The following COL14A1 variants were observed in gnomAD, a reference collection of about 807,000 sequenced individuals.
COL14A1 encodes collagen alpha-1(XIV) chain.
Under a neutral mutation model 230.3 loss-of-function variants are expected in COL14A1, and 136 were observed. That is an observed-to-expected ratio of 0.59 (90% CI 0.51 to 0.68). The LOEUF (loss-of-function observed/expected upper bound fraction) is 0.68. COL14A1 is among the 30% of genes least tolerant of loss of function. The pLI is 0.00. For missense variants in COL14A1, 1,976 were observed against 2,215.8 expected (o/e 0.89, Z 2.17); for synonymous variants, 792 against 784.1 (o/e 1.01, Z -0.17).
chr8:120,161,868 TTGGCCAGGC>T (rs1427363408), intron 3 of COL14A1, among the ~76,000 whole-genome samples: 9 of 152,182 alleles, frequency 5.9e-5, no homozygotes, highest in African/African-American at 2.2e-4. Context: ...TTTCACCACA[TTGGCCAGGC>T]TGGTTTCAAA....
chr8:120,161,686 G>A (rs559581078), intron 3 of COL14A1, among the ~76,000 whole-genome samples: 24 of 151,572 alleles, frequency 1.6e-4, no homozygotes, highest in African/African-American at 3.9e-4. Flanking sequence ...TTTTTGAGGC[G>A]GAGTCTCGGT....
Position 120,345,405 on chromosome 8 carries a change from A to G in COL14A1, c.4919A>G (p.Asn1640Ser), listed in dbSNP as rs921851548. The G allele has an allele frequency of 7.5e-6, 12 of 1,596,144 alleles. No individual in the cohort carries two copies. Among genetic ancestry groups the G allele is most frequent in the Non-Finnish European group, 9.4e-6 (11 of 1,172,636 alleles). Residue 1640 changes from asparagine (N) to serine (S), a missense_variant, in exon 45 of 48, where the codon AAC becomes AGC. Asn to Ser is a conservative substitution (Grantham distance 46, BLOSUM62 1). This residue lies in a region of COL14A1 where 1,791 missense variants were observed against 2,019.5 expected (regional missense o/e 0.89). Coordinates refer to ENST00000297848, the MANE Select transcript of COL14A1 (RefSeq NM_021110.4). ...SHMARYTAIL[N>S]QIPSHSSSIR... Reference sequence around the variant, plus strand: ...ATGGCCAGGTACACTGCCATCCTCAACCAGATTCCCAGCCACTCCTCATCC... The same window carrying G: ...ATGGCCAGGTACACTGCCATCCTCAGCCAGATTCCCAGCCACTCCTCATCC...
intron 1 of COL14A1, among the ~76,000 whole-genome samples, chr8:120,140,221 C>T (rs1009782484): frequency 3.3e-5 from 5 of 152,114 alleles, no homozygotes; most frequent in African/African-American, 1.2e-4. Flanking sequence ...CCTGTGCTAC[C>T]TTTCTGTTCT....
chr8:120,154,298 A>C (rs1026991812), intron 2 of COL14A1, among the ~76,000 whole-genome samples: 1 of 152,196 alleles, frequency 6.6e-6, no homozygotes, highest in Non-Finnish European at 1.5e-5. Context: ...AATTTCGTAA[A>C]TGCTTGATAA....
intron 23 of COL14A1, among the ~76,000 whole-genome samples, chr8:120,256,912 A>C (rs972284462): frequency 2.0e-5 from 3 of 152,194 alleles, no homozygotes. Flanking sequence ...GTTCCTGTGG[A>C]TATTCGTTGC....
chr8:120,224,043 T>TTTTTTTTTTTTC, intron 14 of COL14A1, among the ~76,000 whole-genome samples: 1 of 145,766 alleles, frequency 6.9e-6, no homozygotes, highest in Non-Finnish European at 1.5e-5. Flanking sequence ...TTTTTTTTTT[T>TTTTTTTTTTTTC]TGAGACAGAG....
At chr8:120,227,023 T>A (rs1198976372) in intron 16 of COL14A1, among the ~76,000 whole-genome samples, 197 bp from the exon 17 acceptor site, 1 of 152,192 alleles carries the variant, frequency 6.6e-6, no homozygotes, top group Non-Finnish European at 1.5e-5. Flanking sequence ...AACTTTAAAA[T>A]GTCACTTTTG....
intron 21 of COL14A1, among the ~76,000 whole-genome samples, chr8:120,249,068 A>G (rs1308763612): frequency 1.4e-5 from 2 of 148,018 alleles, no homozygotes; most frequent in Admixed American, 1.3e-4. Context: ...CTGGGACTAC[A>G]GGCGCCCGCC....
chr8:120,154,434 A>G (rs1334502182), intron 2 of COL14A1, among the ~76,000 whole-genome samples: 2 of 152,168 alleles, frequency 1.3e-5, no homozygotes, highest in Non-Finnish European at 2.9e-5. Flanking sequence ...ACAACACAGC[A>G]CAGCAGAATA....
At chr8:120,248,917 CTTTTTT>C (rs71571673) in intron 21 of COL14A1, among the ~76,000 whole-genome samples, 186 of 84,218 alleles carry the variant, frequency 2.2e-3, no homozygotes, top group African/African-American at 7.4e-3. Context: ...TTCAATCTTT[CTTTTTT>C]TTTTTTTTTT....
intron 40 of COL14A1, among the ~76,000 whole-genome samples, chr8:120,321,691 G>A (rs1821449958): frequency 6.6e-6 from 1 of 152,048 alleles, no homozygotes; most frequent in Non-Finnish European, 1.5e-5. Flanking sequence ...TGGGACACAG[G>A]CATGGTACAA....
At chr8:120,349,331 C>T (rs1822658770) in intron 45 of COL14A1, among the ~76,000 whole-genome samples, 1 of 150,360 alleles carries the variant, frequency 6.7e-6, no homozygotes, top group South Asian at 2.1e-4. Context: ...CAGAGTGCCT[C>T]TCCTCCTCCA....
chr8:120,194,584 A>C (rs1586755348), intron 5 of COL14A1, among the ~76,000 whole-genome samples: 1 of 152,288 alleles, frequency 6.6e-6, no homozygotes, highest in East Asian at 1.9e-4. Context: ...TTTCCAAGTC[A>C]TTTCTGACTT....
intron 4 of COL14A1, among the ~76,000 whole-genome samples, chr8:120,163,693 G>A (rs1815768614): frequency 6.6e-6 from 1 of 152,172 alleles, no homozygotes; most frequent in Admixed American, 6.5e-5. Context: ...AACCCAGAAG[G>A]TGGAGGTTGC....
intron 1 of COL14A1, among the ~76,000 whole-genome samples, chr8:120,133,732 T>G (rs914169774): frequency 6.6e-6 from 1 of 151,884 alleles, no homozygotes; most frequent in African/African-American, 2.4e-5. Context: ...CTATTAAAAA[T>G]AAGAACAAGA....
At chr8:120,292,491 A>G (rs1320004774) in intron 34 of COL14A1, among the ~76,000 whole-genome samples, 1 of 152,156 alleles carries the variant, frequency 6.6e-6, no homozygotes, top group Non-Finnish European at 1.5e-5. Context: ...TGTTGAAATG[A>G]ATGTATTAAG....
intron 1 of COL14A1, among the ~76,000 whole-genome samples, chr8:120,131,008 T>C (rs1440167673): frequency 1.3e-5 from 2 of 152,218 alleles, no homozygotes; most frequent in Non-Finnish European, 2.9e-5. Flanking sequence ...CTTAGGATAA[T>C]GGCCTCCAGC....
intron 26 of COL14A1, among the ~76,000 whole-genome samples, chr8:120,276,501 A>C (rs1819851249): frequency 1.3e-5 from 2 of 151,388 alleles, no homozygotes; most frequent in Admixed American, 6.6e-5. Context: ...GTACTCCAAA[A>C]GTATTGTAAA....
At chr8:120,363,823 A>T (rs1409770988) in intron 45 of COL14A1, among the ~76,000 whole-genome samples, 1 of 152,180 alleles carries the variant, frequency 6.6e-6, no homozygotes, top group Non-Finnish European at 1.5e-5. Flanking sequence ...GAAAGCAAAG[A>T]ATTCATTCAC....
Sources: allele counts gnomAD v4.1 joint callset (sites outside exome capture counted in the v4.1 genomes callset), GRCh38; gene constraint gnomAD v4.1.1; regional missense constraint gnomAD v4.1.1; transcripts MANE v1.5; gene names NCBI Gene and HGNC (gene_info 2026-07-23, HGNC 2026-07-21).